The following KCNH8 variants were observed in gnomAD, a reference collection of about 807,000 sequenced individuals.
KCNH8 encodes voltage-gated delayed rectifier potassium channel KCNH8.
A neutral mutation model predicts 103.6 loss-of-function variants in KCNH8; 70 were observed. The ratio of observed to expected loss-of-function variants is 0.68; its 90% confidence interval spans 0.56 to 0.82. The LOEUF (loss-of-function observed/expected upper bound fraction) is 0.82, where lower values mean the gene tolerates loss of function less well. KCNH8 is among the 40% of genes least tolerant of loss of function. The pLI is 0.00. For missense variants in KCNH8, 1,217 were observed against 1,329.9 expected, an observed-to-expected ratio of 0.92 and a Z score of 1.32; for synonymous variants, 498 against 489.4, an observed-to-expected ratio of 1.02 and a Z score of -0.23.
chr3:19,468,780 A>G (rs2067794860), intron 11 of KCNH8, among the ~76,000 whole-genome samples: 1 of 152,220 alleles, frequency 6.6e-6, no homozygotes, highest in Non-Finnish European at 1.5e-5. Context: ...GCTGTGCTAT[A>G]TCCATGAGAT....
At chr3:19,250,384 ATT>A (rs1222169912) in intron 1 of KCNH8, among the ~76,000 whole-genome samples, 3 of 152,208 alleles carry the variant, frequency 2.0e-5, no homozygotes, top group Non-Finnish European at 4.4e-5. Flanking sequence ...TGAAGAATGT[ATT>A]TTTCTATTAC....
chr3:19,374,000 A>T lies in KCNH8; in HGVS notation c.812-16481A>T, dbSNP rs571382793. Among the ~76,000 whole-genome samples the T allele has an allele frequency of 5.3e-5, 8 of 152,210 alleles. No homozygotes were observed. In the East Asian group the frequency reaches 1.5e-3, roughly 29 times the overall value. ...AGTTTGTTACAGTCTCTGTTCTTTT[A>T]CATTTGCTGAGGAGTGCTTTACTTC... On this transcript the variant is annotated intron_variant, in intron 5 of 15. Coordinates refer to ENST00000328405, the MANE Select transcript of KCNH8 (RefSeq NM_144633.3).
chr3:19,515,255 C>A, intron 13 of KCNH8, 67 bp from the exon 14 acceptor site: 1 of 856,032 alleles, frequency 1.2e-6, no homozygotes, highest in Non-Finnish European at 1.9e-6. Flanking sequence ...TATCTTTTAA[C>A]TCTTTAAAAA....
At chr3:19,407,808 C>T (rs1479487401) in intron 7 of KCNH8, among the ~76,000 whole-genome samples, 1 of 152,104 alleles carries the variant, frequency 6.6e-6, no homozygotes, top group African/African-American at 2.4e-5. Context: ...GTATCTAGAG[C>T]ACCCACTCTC....
intron 7 of KCNH8, 31 bp from the exon 8 acceptor site, chr3:19,438,133 T>C: frequency 6.4e-7 from 1 of 1,563,344 alleles, no homozygotes; most frequent in South Asian, 1.1e-5. Context: ...TACTTTTTCT[T>C]CTCTCATTTG....
chr3:19,361,369 C>T (rs1016285036), intron 5 of KCNH8, among the ~76,000 whole-genome samples: 3 of 152,074 alleles, frequency 2.0e-5, no homozygotes, highest in Admixed American at 2.0e-4. Context: ...GTAGATTATC[C>T]TGTCCAGGCC....
intron 7 of KCNH8, among the ~76,000 whole-genome samples, chr3:19,409,059 A>T (rs560726342): frequency 1.3e-5 from 2 of 152,258 alleles, no homozygotes; most frequent in South Asian, 2.1e-4. Flanking sequence ...TCACCAAGAC[A>T]TATAACCACT....
chr3:19,183,766 G>A (rs188356914), intron 1 of KCNH8, among the ~76,000 whole-genome samples: 3 of 152,242 alleles, frequency 2.0e-5, no homozygotes, highest in African/African-American at 7.2e-5. Flanking sequence ...CTTGTGGTTA[G>A]TCTAAAAGAG....
chr3:19,207,231 G>A (rs2063726708), intron 1 of KCNH8, among the ~76,000 whole-genome samples: 1 of 151,940 alleles, frequency 6.6e-6, no homozygotes, highest in African/African-American at 2.4e-5. Context: ...AGCTTTTTGG[G>A]AAGGAAGTGT....
chr3:19,452,387 C>CA (rs555114395), intron 10 of KCNH8, among the ~76,000 whole-genome samples: 46 of 151,530 alleles, frequency 3.0e-4, no homozygotes, highest in African/African-American at 1.1e-3. Context: ...GACAGAGTCT[C>CA]AAAAAAAATC....
chr3:19,378,454 A>C (rs1559298599), intron 5 of KCNH8, among the ~76,000 whole-genome samples: 1 of 152,240 alleles, frequency 6.6e-6, no homozygotes, highest in Admixed American at 6.5e-5. Context: ...TTTAAGTATT[A>C]GAAGCAATTT....
chr3:19,200,727 A>C (rs1036109844), intron 1 of KCNH8, among the ~76,000 whole-genome samples: 18 of 152,002 alleles, frequency 1.2e-4, no homozygotes, highest in Non-Finnish European at 2.1e-4. Context: ...TGACCTATGA[A>C]TCTCCCAAAA....
chr3:19,395,540 A>G (rs1452943405), intron 7 of KCNH8, among the ~76,000 whole-genome samples: 1 of 152,018 alleles, frequency 6.6e-6, no homozygotes, highest in Non-Finnish European at 1.5e-5. Flanking sequence ...GAGAAATTTT[A>G]TATATAATCA....
intron 5 of KCNH8, among the ~76,000 whole-genome samples, chr3:19,361,066 G>A (rs1248020747): frequency 6.6e-6 from 1 of 152,014 alleles, no homozygotes; most frequent in Non-Finnish European, 1.5e-5. Flanking sequence ...TGAGTCTTCT[G>A]GCAAATTTGT....
rs559470952 is a variant in KCNH8, at chr3:19,534,455, A to G, written c.*356A>G. On this transcript the variant is annotated 3_prime_UTR_variant, in exon 16 of 16. Coordinates refer to ENST00000328405, the MANE Select transcript of KCNH8 (RefSeq NM_144633.3). ...TTGTGAAGTATGGCAAAGGTTTTTC[A>G]TGAGTGCCTGATTGTTATTCCTGAA... The G allele has an allele frequency of 1.1e-4, 27 of 250,488 alleles. No individual in the cohort carries two copies. Among genetic ancestry groups the G allele is most frequent in the Non-Finnish European group, 3.8e-5 (5 of 130,834 alleles). 15.5% of individuals were successfully genotyped at this position (250,488 alleles called of 1,614,324 possible). A position where few individuals can be genotyped will look rare whatever the true frequency, so the allele number is the denominator to read the frequency against.
chr3:19,440,843 T>G (rs1237603922), intron 8 of KCNH8, among the ~76,000 whole-genome samples: 1 of 152,208 alleles, frequency 6.6e-6, no homozygotes, highest in Non-Finnish European at 1.5e-5. Context: ...AAGCAAATCT[T>G]TGGGGTTGGC....
intron 7 of KCNH8, among the ~76,000 whole-genome samples, chr3:19,430,757 G>C (rs895881452): frequency 6.6e-5 from 10 of 151,988 alleles, no homozygotes; most frequent in Admixed American, 6.6e-5. Context: ...CTGTGAATGG[G>C]AGTTTGCTTG....
At chr3:19,430,348 C>T (rs571631282) in intron 7 of KCNH8, among the ~76,000 whole-genome samples, 5 of 151,962 alleles carry the variant, frequency 3.3e-5, no homozygotes, top group Non-Finnish European at 5.9e-5. Context: ...GTACTAGTGC[C>T]GTGCTCTTTT....
chr3:19,400,231 C>CAAAAAAAAAA (rs11422314), intron 7 of KCNH8, among the ~76,000 whole-genome samples: 1 of 53,110 alleles, frequency 1.9e-5, no homozygotes, highest in Admixed American at 3.0e-4. Flanking sequence ...TGTTAGCCAG[C>CAAAAAAAAAA]AAAAAAAAAA....
Sources: allele counts gnomAD v4.1 joint callset (sites outside exome capture counted in the v4.1 genomes callset), GRCh38; gene constraint gnomAD v4.1.1; transcripts MANE v1.5; gene names NCBI Gene and HGNC (gene_info 2026-07-23, HGNC 2026-07-21).